The following C12orf42 variants were observed in gnomAD, a reference collection of about 807,000 sequenced individuals.
C12orf42 encodes chromosome 12 open reading frame 42.
C12orf42 carries 25 observed loss-of-function variants against 21.6 expected under a neutral mutation model. The ratio of observed to expected loss-of-function variants is 1.16; its 90% CI spans 0.84 to 1.62. The LOEUF (loss-of-function observed/expected upper bound fraction) is 1.62, where lower values mean the gene tolerates loss of function less well. C12orf42 is among the 40% of genes most tolerant of loss of function. The pLI, the probability that C12orf42 is intolerant of heterozygous loss-of-function variation, is 0.00. For synonymous variants in C12orf42, 174 were observed against 175.0 expected, an observed-to-expected ratio of 0.99 and a Z score of 0.05; for missense variants, 483 against 459.3, an observed-to-expected ratio of 1.05 and a Z score of -0.47.
chr12:103,204,625 T>G, the C12orf42 span, among the ~76,000 whole-genome samples: 1 of 152,224 alleles, frequency 6.6e-6, no homozygotes, highest in South Asian at 2.1e-4. Flanking sequence ...AAATGCTTTT[T>G]TAGGAAAAAT....
At chr12:103,227,123 G>A in the C12orf42 span, among the ~76,000 whole-genome samples, 1 of 152,090 alleles carries the variant, frequency 6.6e-6, no homozygotes, top group Non-Finnish European at 1.5e-5. Context: ...ACAGGCCAAG[G>A]GAGTAGAAGG....
the C12orf42 span, among the ~76,000 whole-genome samples, chr12:103,134,962 CA>C: frequency 6.6e-6 from 1 of 152,046 alleles, no homozygotes; most frequent in Admixed American, 6.5e-5. Context: ...TGACATATTC[CA>C]AAAGCTAAAA....
At chr12:103,147,035 A>G in the C12orf42 span, among the ~76,000 whole-genome samples, 3 of 152,202 alleles carry the variant, frequency 2.0e-5, no homozygotes, top group Non-Finnish European at 4.4e-5. Context: ...CCTCATTTCT[A>G]TAAGGGCAAT....
chr12:103,065,185 A>T, the C12orf42 span, among the ~76,000 whole-genome samples: 18 of 152,220 alleles, frequency 1.2e-4, no homozygotes, highest in Non-Finnish European at 2.5e-4. Flanking sequence ...TTCCCACCAC[A>T]TTCCCATTCA....
chr12:103,512,409 G>A, the C12orf42 span, among the ~76,000 whole-genome samples: 1 of 150,998 alleles, frequency 6.6e-6, no homozygotes, highest in African/African-American at 2.4e-5. Context: ...AGCAGAGGAG[G>A]ATGACTATTG....
At chr12:103,315,850 G>C (rs551195013) in intron 4 of C12orf42, among the ~76,000 whole-genome samples, 1 of 151,524 alleles carries the variant, frequency 6.6e-6, no homozygotes, top group East Asian at 1.9e-4. Context: ...TCGCTAAGAG[G>C]GTAGATTCTA....
At chr12:103,362,332 C>T (rs2044188876) in intron 4 of C12orf42, among the ~76,000 whole-genome samples, 1 of 151,992 alleles carries the variant, frequency 6.6e-6, no homozygotes, top group African/African-American at 2.4e-5. Context: ...AAGGGAACAC[C>T]CCATGGAACA....
chr12:103,138,645 T>A, the C12orf42 span, among the ~76,000 whole-genome samples: 7 of 152,134 alleles, frequency 4.6e-5, no homozygotes, highest in African/African-American at 1.7e-4. Flanking sequence ...AAACCAAAAT[T>A]TCTGCACTTT....
the C12orf42 span, among the ~76,000 whole-genome samples, chr12:103,228,343 G>A: frequency 1.3e-5 from 2 of 152,106 alleles, no homozygotes; most frequent in African/African-American, 2.4e-5. Context: ...TTTGAGCCAG[G>A]ATGACCCAGG....
intron 2 of C12orf42, among the ~76,000 whole-genome samples, chr12:103,435,585 C>T (rs908662277): frequency 1.3e-5 from 2 of 151,912 alleles, no homozygotes; most frequent in African/African-American, 2.4e-5. Flanking sequence ...AACCAAGGCT[C>T]GAGAACTACA....
chr12:103,205,413 G>A, the C12orf42 span, among the ~76,000 whole-genome samples: 2 of 152,200 alleles, frequency 1.3e-5, no homozygotes, highest in South Asian at 4.1e-4. Flanking sequence ...ATGTGCAGGG[G>A]AACTCCCCTT....
chr12:103,394,957 A>C (rs1298433327), intron 3 of C12orf42, among the ~76,000 whole-genome samples: 3 of 152,226 alleles, frequency 2.0e-5, no homozygotes, highest in Admixed American at 2.0e-4. Flanking sequence ...GCAGGAACAG[A>C]GGCTCACCAG....
chr12:103,362,325 G>A (rs889547824), intron 4 of C12orf42, among the ~76,000 whole-genome samples: 1 of 152,038 alleles, frequency 6.6e-6, no homozygotes, highest in African/African-American at 2.4e-5. Context: ...CTACATCAAG[G>A]GAACACCCCA....
In C12orf42 at chr12:103,366,502, C is replaced by T. The variant is rs555457157; in HGVS notation, c.259+2385G>A. Among the ~76,000 whole-genome samples the T allele has an allele frequency of 9.2e-5, 14 of 151,762 alleles. No individual in the cohort carries two copies. In the East Asian group the frequency reaches 1.6e-3, roughly 17 times the overall value. ...ACTAAAGAGCTTTTGCATGGCAAAA[C>T]GAAAAGTCAGCAGAGTAAACAGACA... is the stretch of plus-strand genomic sequence containing the variant. On this transcript the variant is annotated intron_variant, in intron 4 of 5. Transcript: ENST00000548883.
chr12:103,113,697 A>G, the C12orf42 span, among the ~76,000 whole-genome samples: 1 of 152,202 alleles, frequency 6.6e-6, no homozygotes, highest in African/African-American at 2.4e-5. Flanking sequence ...ATGGTGCTGA[A>G]TTTGAGAGAG....
At chr12:103,410,395 G>A (rs1000522554) in intron 2 of C12orf42, among the ~76,000 whole-genome samples, 2 of 152,176 alleles carry the variant, frequency 1.3e-5, no homozygotes, top group African/African-American at 4.8e-5. Flanking sequence ...GATCATCTGT[G>A]AGTCAAGACC....
chr12:103,527,438 T>A, the C12orf42 span, among the ~76,000 whole-genome samples: 1 of 152,198 alleles, frequency 6.6e-6, no homozygotes, highest in African/African-American at 2.4e-5. Flanking sequence ...CCCTCATGAA[T>A]AGATTAGTGC....
rs752501470 is a variant in C12orf42, at chr12:103,302,492, C to G, written c.699G>C (p.Gln233His). ...CRRSQTPGAL[Q>H]STGPSNTELE... ...GCTCTGTGTTACTCGGGCCGGTGCTCTGCAGAGCGCCGGGCGTCTGGCTCC... is the reference window on the plus strand; with the variant it reads ...GCTCTGTGTTACTCGGGCCGGTGCTGTGCAGAGCGCCGGGCGTCTGGCTCC... The change falls in exon 6 of 6, where the codon CAG (glutamine) becomes CAC (histidine). Residue 233 changes from glutamine (Q) to histidine (H), a missense_variant. Physicochemically the swap from Gln to His is conservative, Grantham distance 24 (BLOSUM62 0). Coordinates refer to ENST00000548883, the MANE Select transcript of C12orf42 (RefSeq NM_198521.5). 1.9e-6 allele frequency: 3 copies of G among 1,613,372 alleles called. No homozygotes were observed. In the African/African-American group the frequency reaches 4.0e-5, roughly 22 times the overall value.
At chr12:103,086,530 T>A in the C12orf42 span, among the ~76,000 whole-genome samples, 1 of 149,880 alleles carries the variant, frequency 6.7e-6, no homozygotes, top group African/African-American at 2.5e-5. Context: ...ATCTTATAAG[T>A]TCTGGATGTG....
Sources: gnomAD v4.1 joint callset for allele counts (sites outside exome capture counted in the v4.1 genomes callset) on GRCh38, gnomAD v4.1.1 for gene constraint, MANE v1.5 for transcripts, NCBI Gene and HGNC (gene_info 2026-07-23, HGNC 2026-07-21) for gene names.